Variants in YARS2 observed in about 807,000 individuals in gnomAD.
The protein encoded by YARS2 is tyrosyl-tRNA synthetase 2, also known as tyrosine--tRNA ligase, mitochondrial.
Under a neutral mutation model 45.0 loss-of-function variants are expected in YARS2, and 38 were observed. The ratio of observed to expected loss-of-function variants is 0.84; its 90% CI spans 0.65 to 1.11. The LOEUF (loss-of-function observed/expected upper bound fraction) is 1.11, where lower values mean the gene tolerates loss of function less well. Among genes scored for constraint, YARS2 ranks in the 50% least tolerant of loss-of-function variants. The pLI is 0.00. For missense variants in YARS2, 602 were observed against 599.8 expected, an observed-to-expected ratio of 1.00 and a Z score of -0.04; for synonymous variants, 287 against 245.1, an observed-to-expected ratio of 1.17 and a Z score of -1.60.
rs760072286 is a variant in YARS2, at chr12:32,753,982, C to A, written c.883G>T (p.Asp295Tyr). The change falls in exon 2 of 5, where the codon GAT (aspartate) becomes TAT (tyrosine). Residue 295 changes from aspartate to tyrosine, a missense_variant. By Grantham distance (160) the Asp-to-Tyr change is radical. Coordinates refer to ENST00000324868, the MANE Select transcript of YARS2 (RefSeq NM_001040436.3). ...TACAATTCAAATGGAGATGTCTTATCTCTGTTTAGCCAAACAGCGTTGCCA... is the reference window on the plus strand; with the variant it reads ...TACAATTCAAATGGAGATGTCTTATATCTGTTTAGCCAAACAGCGTTGCCA... ...SAGNAVWLNRDKTSPFELYQF... is the reference protein window; with the variant it reads ...SAGNAVWLNRYKTSPFELYQF... 6.2e-7 allele frequency: 1 copy of A among 1,614,224 alleles called. No homozygotes were observed. Among genetic ancestry groups the A allele is most frequent in the South Asian group, 1.1e-5 (1 of 91,088 alleles).
At position 32,755,794 on chromosome 12, in the gene YARS2, C is replaced by G; in HGVS notation, c.81G>C (p.Gly27=). ...TLNLSVLLPL[G]LRKAHSGAQG... ...GAGCGCCCGAGTGGGCCTTACGCAG[C>G]CCCAAGGGCAACAATACTGAGAGAT... Residue 27 remains glycine (G), a synonymous_variant, in exon 1 of 5, where the codon GGG becomes GGC. Coordinates refer to ENST00000324868, the MANE Select transcript of YARS2 (RefSeq NM_001040436.3). The G allele has an allele frequency of 6.2e-7, 1 of 1,613,878 alleles. No individual in the cohort carries two copies. The highest frequency in any genetic ancestry group is 8.5e-7 in the Non-Finnish European group (1 of 1,180,034).
intron 2 of YARS2, among the ~76,000 whole-genome samples, chr12:32,752,094 G>C (rs962219481): frequency 3.3e-5 from 5 of 152,092 alleles, no homozygotes; most frequent in Non-Finnish European, 7.3e-5. Context: ...TGTTTGTGCA[G>C]GGACACTCTA....
chr12:32,748,909 T>C (rs765730349), intron 4 of YARS2, among the ~76,000 whole-genome samples: 16 of 152,252 alleles, frequency 1.1e-4, no homozygotes, highest in Non-Finnish European at 2.2e-4. Context: ...GTCTTCTGGC[T>C]ACCCAACACT....
In YARS2 at chr12:32,746,831, C is replaced by G; in HGVS notation, c.*373G>C. The G allele has an allele frequency of 2.3e-5, 5 of 217,798 alleles. No homozygotes were observed. In the South Asian group the frequency reaches 2.7e-4, roughly 12 times the overall value. The allele number at this position is 217,798 out of a possible 1,614,324, so 13.5% of individuals were successfully genotyped here. A position where few individuals can be genotyped will look rare whatever the true frequency, so the allele number is the denominator to read the frequency against. On this transcript the variant is annotated 3_prime_UTR_variant, in exon 5 of 5. Coordinates refer to ENST00000324868, the MANE Select transcript of YARS2 (RefSeq NM_001040436.3). ...GGGATTACAGGTGTGAGCCACCATG[C>G]CCAGCCTCACAATTCCTTACACTAC...
Position 32,753,933 on chromosome 12 carries a change from T to G in YARS2, c.932A>C (p.Asp311Ala). ...CAGAACTCACCTTTCCACTGAATCGTCCGGTTGCCTGACAAAGAATTGATA... is the reference window on the plus strand; with the variant it reads ...CAGAACTCACCTTTCCACTGAATCGGCCGGTTGCCTGACAAAGAATTGATA... Reference protein sequence around the residue: ...ELYQFFVRQPDDSVERYLKLF... With the variant: ...ELYQFFVRQPADSVERYLKLF... The change falls in exon 2 of 5, where the codon GAC (aspartate) becomes GCC (alanine). Residue 311 changes from aspartate (D) to alanine (A), a missense_variant. Physicochemically the swap from Asp to Ala is moderately radical, Grantham distance 126. Coordinates refer to ENST00000324868, the MANE Select transcript of YARS2 (RefSeq NM_001040436.3). 1 of 1,614,224 alleles carries G rather than the reference T, an allele frequency of 6.2e-7. No homozygotes were observed.
chr12:32,751,009 G>T, intron 2 of YARS2, 135 bp from the exon 3 acceptor site: 1 of 991,074 alleles, frequency 1.0e-6, no homozygotes, highest in Non-Finnish European at 1.5e-6. Context: ...AACATAGTAG[G>T]TCCCATGCAC....
Position 32,755,067 on chromosome 12 carries a change from G to A in YARS2, c.779+29C>T, listed in dbSNP as rs752269563. Reference sequence around the variant, plus strand: ...CTAGTGTGTAAATTATTTGGTCCCAGGATTTCCCCAAGGTTTAAAGGCACT... The same window carrying A: ...CTAGTGTGTAAATTATTTGGTCCCAAGATTTCCCCAAGGTTTAAAGGCACT... On this transcript the variant is annotated intron_variant, in intron 1 of 4. Transcript: ENST00000324868. 1.9e-6 allele frequency: 3 copies of A among 1,613,896 alleles called. No individual in the cohort carries two copies. In the South Asian group the frequency reaches 3.3e-5, roughly 18 times the overall value.
In YARS2 at chr12:32,755,253, G is replaced by C. The variant is rs780385787; in HGVS notation, c.622C>G (p.Leu208Val). Residue 208 changes from leucine to valine, a missense_variant, in exon 1 of 5, where the codon CTC becomes GTC. By Grantham distance (32) the Leu-to-Val change is conservative. Transcript: ENST00000324868. ...AAGCTCATGCCCTCGGGGCTCTTGA[G>C]CCGCAGCTGCACGCTCTGCCGGCTC... ...LLSRQSVQLR[L>V]KSPEGMSLAE... The C allele has an allele frequency of 6.2e-7, 1 of 1,614,192 alleles. No homozygotes were observed. The highest frequency in any genetic ancestry group is 8.5e-7 in the Non-Finnish European group (1 of 1,180,052).
intron 2 of YARS2, 142 bp downstream of exon 2, chr12:32,753,776 T>A: frequency 9.1e-7 from 1 of 1,096,518 alleles, no homozygotes; most frequent in Non-Finnish European, 1.3e-6. Context: ...TAAAAATTAG[T>A]CTTCTATGAT....
intron 4 of YARS2, among the ~76,000 whole-genome samples, chr12:32,748,749 G>T (rs192187715): frequency 1.1e-4 from 16 of 152,316 alleles, no homozygotes; most frequent in African/African-American, 2.9e-4. Context: ...TTTCCAGGCA[G>T]AATAGTCTAG....
In YARS2 at chr12:32,753,930, T is replaced by C. The variant is rs758655355; in HGVS notation, c.935A>G (p.Asp312Gly). 1 of 1,614,216 alleles carries C rather than the reference T, an allele frequency of 6.2e-7. No individual in the cohort carries two copies. The highest frequency in any genetic ancestry group is 8.5e-7 in the Non-Finnish European group (1 of 1,180,040). Reference protein sequence around the residue: ...LYQFFVRQPDDSVERYLKLFT... With the variant: ...LYQFFVRQPDGSVERYLKLFT... ...ATTCAGAACTCACCTTTCCACTGAA[T>C]CGTCCGGTTGCCTGACAAAGAATTG... is the stretch of plus-strand genomic sequence containing the variant. Residue 312 changes from aspartate to glycine, a missense_variant, in exon 2 of 5, where the codon GAT (aspartate) becomes GGT (glycine). Coordinates refer to ENST00000324868, the MANE Select transcript of YARS2 (RefSeq NM_001040436.3).
At chr12:32,753,095 C>T (rs1183820796) in intron 2 of YARS2, among the ~76,000 whole-genome samples, 1 of 152,010 alleles carries the variant, frequency 6.6e-6, no homozygotes, top group East Asian at 1.9e-4. Flanking sequence ...AGGTTTATCG[C>T]TTGAGTCCAG....
At position 32,750,065 on chromosome 12, in the gene YARS2, C is replaced by G. The variant is rs202083773; in HGVS notation, c.1146G>C (p.Glu382Asp). ...ALYHSSIDAL[E>D]VMSDQELKEL... is the part of the protein sequence containing the mutation. Reference sequence around the variant, plus strand: ...CTTTTAACTCCTGATCAGACATGACCTCCAGTGCATCTATGCTACTGTGAT... The same window carrying G: ...CTTTTAACTCCTGATCAGACATGACGTCCAGTGCATCTATGCTACTGTGAT... The change falls in exon 4 of 5, where the codon GAG becomes GAC. Residue 382 changes from glutamate (E) to aspartate (D), a missense_variant. Coordinates refer to ENST00000324868, the MANE Select transcript of YARS2 (RefSeq NM_001040436.3). 6.2e-7 allele frequency: 1 copy of G among 1,614,102 alleles called. No individual in the cohort carries two copies. Among genetic ancestry groups the G allele is most frequent in the East Asian group, 2.2e-5 (1 of 44,880 alleles).
At chr12:32,754,839 C>G (rs1955816568) in intron 1 of YARS2, among the ~76,000 whole-genome samples, 2 of 152,016 alleles carry the variant, frequency 1.3e-5, no homozygotes, top group South Asian at 4.2e-4. Context: ...CTCAGCCTCC[C>G]GAATAGCTGG....
chr12:32,755,276 C>T lies in YARS2; in HGVS notation c.599G>A (p.Ser200Asn). 2 of 1,614,172 alleles carry T rather than the reference C, an allele frequency of 1.2e-6. No individual in the cohort carries two copies. The highest frequency in any genetic ancestry group is 1.7e-6 in the Non-Finnish European group (2 of 1,180,052). Residue 200 changes from serine (S) to asparagine (N), a missense_variant, in exon 1 of 5, where the codon AGC becomes AAC. Ser to Asn is a conservative substitution (Grantham distance 46). Coordinates refer to ENST00000324868, the MANE Select transcript of YARS2 (RefSeq NM_001040436.3). ...GGHFRMGTLLSRQSVQLRLKS... is the reference protein window; with the variant it reads ...GGHFRMGTLLNRQSVQLRLKS... Reference sequence around the variant, plus strand: ...GAGCCGCAGCTGCACGCTCTGCCGGCTCAGCAGCGTCCCCATGCGGAAGTG... The same window carrying T: ...GAGCCGCAGCTGCACGCTCTGCCGGTTCAGCAGCGTCCCCATGCGGAAGTG...
rs753688233 is a variant in YARS2 at position 32,755,140 on chromosome 12, A to G, written c.735T>C (p.Ser245=). 2 of 1,614,210 alleles carry G rather than the reference A, an allele frequency of 1.2e-6. No homozygotes were observed. The highest frequency in any genetic ancestry group is 8.5e-7 in the Non-Finnish European group (1 of 1,180,044). ...RYGCRVQLGG[S]DQLGNIMSGY... ...CGGACATGATGTTGCCTAGTTGATC[A>G]GATCCGCCCAGCTGGACCCTGCATC... The change falls in exon 1 of 5, where the codon TCT becomes TCC. Residue 245 remains serine, a synonymous_variant. Transcript: ENST00000324868.
chr12:32,754,621 T>G (rs1177669463), intron 1 of YARS2, among the ~76,000 whole-genome samples: 1 of 151,700 alleles, frequency 6.6e-6, no homozygotes, highest in Non-Finnish European at 1.5e-5. Context: ...CGTTCTGGTA[T>G]AAACACACAA....
intron 1 of YARS2, among the ~76,000 whole-genome samples, chr12:32,754,643 C>T (rs1337148258): frequency 6.6e-6 from 1 of 151,560 alleles, no homozygotes; most frequent in East Asian, 1.9e-4. Context: ...AGCAGTTTCT[C>T]TAATTAGAGA....
Position 32,746,879 on chromosome 12 carries a change from A to C in YARS2, c.*325T>G. On this transcript the variant is annotated 3_prime_UTR_variant, in exon 5 of 5. Coordinates refer to ENST00000324868, the MANE Select transcript of YARS2 (RefSeq NM_001040436.3). ...TACCTCTTTTTCATTGTTCCTCATC[A>C]CTACAAAAAGGAGAGCAGGAAGGGT... 2 of 276,492 alleles carry C rather than the reference A, an allele frequency of 7.2e-6. No homozygotes were observed. Among genetic ancestry groups the C allele is most frequent in the South Asian group, 7.8e-5 (2 of 25,754 alleles). 17.1% of individuals were successfully genotyped at this position (276,492 alleles called of 1,614,324 possible).
Sources: gnomAD v4.1 joint callset for allele counts (sites outside exome capture counted in the v4.1 genomes callset) on GRCh38, gnomAD v4.1.1 for gene constraint, MANE v1.5 for transcripts, NCBI Gene and HGNC (gene_info 2026-07-23, HGNC 2026-07-21) for gene names.